The following DMD variants were observed in gnomAD, a reference collection of about 807,000 sequenced individuals.
DMD encodes the protein dystrophin, also known as mutant dystrophin.
Under a neutral mutation model 330.1 loss-of-function variants are expected in DMD, and 63 were observed. That is an observed-to-expected ratio of 0.19 (90% CI 0.16 to 0.24). The LOEUF (loss-of-function observed/expected upper bound fraction) is 0.24, where lower values mean the gene tolerates loss of function less well. Among genes scored for constraint, DMD ranks in the 10% least tolerant of loss-of-function variants. DMD has a pLI of 1.00. For missense variants in DMD, 3,344 were observed against 2,684.1 expected, an observed-to-expected ratio of 1.25 and a Z score of -5.43; for synonymous variants, 1,223 against 959.8, an observed-to-expected ratio of 1.27 and a Z score of -5.07.
intron 2 of DMD, among the ~76,000 whole-genome samples, chrX:32,950,270 C>A (rs1398983773): frequency 9.0e-6 from 1 of 111,108 alleles, no homozygotes; most frequent in Admixed American, 9.6e-5. Context: ...GTTTTAAGCT[C>A]TTTACTTGTA....
chrX:32,949,525 C>T (rs1417275940), intron 2 of DMD, among the ~76,000 whole-genome samples: 1 of 111,076 alleles, frequency 9.0e-6, no homozygotes, highest in East Asian at 2.8e-4. Context: ...CTTTTCCTTA[C>T]ACATAAATAT....
chrX:32,650,500 T>C lies in DMD; in HGVS notation c.961-5348A>G, dbSNP rs754302742. ...ATAACCAAGCGGTTCTTTCACTAAA[T>C]AACAGAAGAGCATTTCTGAACAACC... On this transcript the variant is annotated intron_variant, in intron 9 of 78. Transcript: ENST00000357033. 8.1e-5 allele frequency among the ~76,000 whole-genome samples: 9 copies of C among 111,781 alleles called. No individual in the cohort carries two copies. In the South Asian group the frequency reaches 2.6e-3, roughly 33 times the overall value.
intron 42 of DMD, among the ~76,000 whole-genome samples, chrX:32,288,455 C>T (rs2097452243): frequency 8.9e-6 from 1 of 111,836 alleles, no homozygotes; most frequent in South Asian, 3.7e-4. Flanking sequence ...ACCTTTCTTG[C>T]TACAGATCTG....
intron 55 of DMD, among the ~76,000 whole-genome samples, chrX:31,579,415 T>C (rs886507068): frequency 6.2e-5 from 7 of 112,431 alleles, no homozygotes; most frequent in African/African-American, 1.6e-4. Context: ...ATTCTACCCA[T>C]TGGCCAAATG....
At chrX:32,024,255 C>G (rs890952797) in intron 44 of DMD, among the ~76,000 whole-genome samples, 1 of 110,740 alleles carries the variant, frequency 9.0e-6, no homozygotes, top group African/African-American at 3.3e-5. Context: ...GAGGCCAAGG[C>G]GGGCGGACTG....
intron 9 of DMD, among the ~76,000 whole-genome samples, chrX:32,665,004 A>C (rs1195690266): frequency 1.8e-5 from 2 of 112,244 alleles, no homozygotes; most frequent in Non-Finnish European, 3.8e-5. Context: ...TAGAAATCAA[A>C]GAGGGGAAAG....
intron 1 of DMD, among the ~76,000 whole-genome samples, chrX:33,037,055 G>A (rs1486102970): frequency 9.0e-6 from 1 of 110,955 alleles, no homozygotes; most frequent in Non-Finnish European, 1.9e-5. Context: ...CATTTTCTGA[G>A]GTGTACTGCA....
intron 54 of DMD, among the ~76,000 whole-genome samples, chrX:31,629,792 T>G (rs1324758877): frequency 8.9e-6 from 1 of 112,120 alleles, no homozygotes; most frequent in African/African-American, 3.2e-5. Context: ...GACAATTGAC[T>G]GGGTGTGACC....
intron 16 of DMD, among the ~76,000 whole-genome samples, chrX:32,556,535 T>C (rs2050320492): frequency 1.8e-5 from 2 of 111,174 alleles, no homozygotes; most frequent in Admixed American, 1.9e-4. Context: ...CTATACACAA[T>C]AGCAAAGACA....
intron 49 of DMD, among the ~76,000 whole-genome samples, chrX:31,820,685 G>A (rs939513053): frequency 1.8e-5 from 2 of 111,566 alleles, no homozygotes; most frequent in African/African-American, 6.5e-5. Context: ...CTCATTCAGT[G>A]ACTGATGAAG....
At position 31,972,879 on chromosome X, in the gene DMD, G is replaced by A. The variant is rs144193650; in HGVS notation, c.6439-4365C>T. On this transcript the variant is annotated intron_variant, in intron 44 of 78. Coordinates refer to ENST00000357033, the MANE Select transcript of DMD (RefSeq NM_004006.3). ...GCTTTATCTTGTTTTTTTATCCTAA[G>A]GTCATTCTCATTGTGTCTCTTCGTC... is the stretch of plus-strand genomic sequence containing the variant. 7.0e-3 allele frequency among the ~76,000 whole-genome samples: 779 copies of A among 111,298 alleles called. 8 individuals carry two copies. Among genetic ancestry groups the A allele is most frequent in the African/African-American group, 0.024 (721 of 30,678 alleles).
intron 1 of DMD, among the ~76,000 whole-genome samples, chrX:33,241,452 T>C (rs1349448226): frequency 1.8e-5 from 2 of 111,733 alleles, no homozygotes; most frequent in African/African-American, 3.3e-5. Context: ...TTGGTTACCA[T>C]AGCTTTGTAG....
intron 74 of DMD, among the ~76,000 whole-genome samples, chrX:31,153,848 G>C (rs775885621): frequency 1.8e-5 from 2 of 112,354 alleles, no homozygotes; most frequent in African/African-American, 6.5e-5. Context: ...AGGACAAGCT[G>C]TCATGATAAG....
chrX:32,251,946 C>T (rs774620546), intron 43 of DMD, among the ~76,000 whole-genome samples: 6 of 111,097 alleles, frequency 5.4e-5, no homozygotes, highest in African/African-American at 1.6e-4. Flanking sequence ...TGCAGTGAGC[C>T]GTGATCATGT....
intron 2 of DMD, among the ~76,000 whole-genome samples, chrX:32,880,123 A>T (rs2083774693): frequency 9.0e-6 from 1 of 110,873 alleles, no homozygotes; most frequent in Non-Finnish European, 1.9e-5. Context: ...CCTTTCCCGC[A>T]TCCTTTTCAA....
At chrX:33,294,329 A>C (rs182215192) in intron 1 of DMD, among the ~76,000 whole-genome samples, 1 of 111,146 alleles carries the variant, frequency 9.0e-6, no homozygotes, top group East Asian at 2.8e-4. Context: ...AGCCCCTGAC[A>C]CTACACACTA....
intron 1 of DMD, among the ~76,000 whole-genome samples, chrX:33,239,510 T>A (rs1280270423): frequency 9.0e-6 from 1 of 111,085 alleles, no homozygotes; most frequent in Non-Finnish European, 1.9e-5. Flanking sequence ...CAAAAAGATT[T>A]TATAATGATT....
At chrX:32,465,302 G>A (rs939674438) in intron 23 of DMD, among the ~76,000 whole-genome samples, 4 of 110,936 alleles carry the variant, frequency 3.6e-5, no homozygotes, top group South Asian at 3.8e-4. Flanking sequence ...ATTCTTTCCC[G>A]TATTACCTTT....
At chrX:32,196,067 G>A (rs913213276) in intron 44 of DMD, among the ~76,000 whole-genome samples, 8 of 111,851 alleles carry the variant, frequency 7.2e-5, no homozygotes, top group Non-Finnish European at 1.5e-4. Flanking sequence ...ATTTATATTT[G>A]ATGGTATTCC....
Sources: gnomAD v4.1 joint callset for allele counts (sites outside exome capture counted in the v4.1 genomes callset) on GRCh38, gnomAD v4.1.1 for gene constraint, MANE v1.5 for transcripts, NCBI Gene and HGNC (gene_info 2026-07-23, HGNC 2026-07-21) for gene names.